TBXAS1: variants seen among roughly 807,000 people sequenced by gnomAD.
The protein encoded by TBXAS1 is thromboxane A synthase 1.
TBXAS1 carries 48 observed loss-of-function variants against 60.7 expected under a neutral mutation model. The observed-to-expected ratio is 0.79, with a 90% CI of 0.63 to 1.01. TBXAS1 has a LOEUF of 1.01. Ranked by LOEUF, TBXAS1 falls within the 50% of genes least tolerant of loss-of-function variation. TBXAS1 has a pLI of 0.00. For synonymous variants in TBXAS1, 287 were observed against 269.7 expected (o/e 1.06, Z -0.63); for missense variants, 685 against 686.3 (o/e 1.00, Z 0.02).
At chr7:139,993,646 G>T (rs537786826) in intron 9 of TBXAS1, among the ~76,000 whole-genome samples, 33 of 152,194 alleles carry the variant, frequency 2.2e-4, no homozygotes, top group Middle Eastern at 3.4e-3. Flanking sequence ...ATCTAGCTAT[G>T]GGATGCCTAG....
At chr7:139,821,526 A>T (rs188145117) in intron 4 of TBXAS1, among the ~76,000 whole-genome samples, 55 of 152,248 alleles carry the variant, frequency 3.6e-4, no homozygotes, top group African/African-American at 1.2e-3. Flanking sequence ...AGACCTTAAA[A>T]CTGTTTATGA....
intron 1 of TBXAS1, among the ~76,000 whole-genome samples, chr7:139,846,420 ATAG>A (rs1440870386): frequency 6.6e-6 from 1 of 152,212 alleles, no homozygotes; most frequent in Non-Finnish European, 1.5e-5. Flanking sequence ...AGGGATACTA[ATAG>A]TACCTACCTC....
chr7:139,939,494 G>C (rs62490098), intron 5 of TBXAS1, among the ~76,000 whole-genome samples: 2,074 of 150,380 alleles, frequency 0.014, 20 homozygotes, highest in Middle Eastern at 0.041. Context: ...ACTCCATATA[G>C]TTCAATTTAG....
chr7:139,812,784 C>T (rs928903543), intron 4 of TBXAS1, among the ~76,000 whole-genome samples: 2 of 152,208 alleles, frequency 1.3e-5, no homozygotes, highest in South Asian at 4.1e-4. Flanking sequence ...AAGCCAAGCA[C>T]GGTGACTCAC....
intron 1 of TBXAS1, among the ~76,000 whole-genome samples, chr7:139,839,818 T>C (rs1799310058): frequency 6.6e-6 from 1 of 151,576 alleles, no homozygotes; most frequent in Non-Finnish European, 1.5e-5. Context: ...ATTGCACCAC[T>C]ACACTCGCAC....
chr7:139,841,739 G>A (rs1173266131), intron 1 of TBXAS1, among the ~76,000 whole-genome samples: 2 of 152,102 alleles, frequency 1.3e-5, no homozygotes, highest in Non-Finnish European at 2.9e-5. Context: ...ATAAAGTAAC[G>A]TGACTGATTA....
chr7:139,951,383 CT>C (rs1809240057), intron 5 of TBXAS1, among the ~76,000 whole-genome samples: 1 of 151,806 alleles, frequency 6.6e-6, no homozygotes, highest in Non-Finnish European at 1.5e-5. Flanking sequence ...ATGAGGCCAC[CT>C]TTAGGAGTGA....
In TBXAS1 at chr7:139,837,853, G is replaced by C. The variant is rs1407974345; in HGVS notation, c.89+8374G>C. 2.0e-5 allele frequency among the ~76,000 whole-genome samples: 3 copies of C among 152,212 alleles called. No homozygotes were observed. The East Asian group carries it at 5.8e-4, about 29-fold the overall frequency. ...ACAAAACAAAACAAAAAAGCAAAAGGCACACCAAGGTTGCTTCTTGTGCTC... is the reference window on the plus strand; with the variant it reads ...ACAAAACAAAACAAAAAAGCAAAAGCCACACCAAGGTTGCTTCTTGTGCTC... On this transcript the variant is annotated intron_variant, in intron 1 of 12. Transcript: ENST00000448866.
chr7:139,931,043 A>G (rs913357703), intron 4 of TBXAS1, among the ~76,000 whole-genome samples: 19 of 151,994 alleles, frequency 1.3e-4, no homozygotes, highest in South Asian at 4.2e-4. Flanking sequence ...GATACAGAAT[A>G]CACACACACA....
chr7:139,925,236 TAA>T (rs2117126297), intron 4 of TBXAS1, among the ~76,000 whole-genome samples: 1 of 152,338 alleles, frequency 6.6e-6, no homozygotes, highest in Admixed American at 6.5e-5. Flanking sequence ...TTGTTTTAGG[TAA>T]TATGGACATT....
chr7:140,007,876 C>T (rs979311210), intron 10 of TBXAS1, among the ~76,000 whole-genome samples: 12 of 152,206 alleles, frequency 7.9e-5, no homozygotes, highest in Admixed American at 4.6e-4. Context: ...ACCAACCAGC[C>T]GGTCACACCA....
At chr7:139,807,749 CT>C (rs1797915654) in intron 4 of TBXAS1, among the ~76,000 whole-genome samples, 4 of 152,186 alleles carry the variant, frequency 2.6e-5, no homozygotes, top group East Asian at 1.9e-4. Context: ...AACTCTTGGC[CT>C]CAAGCGATCC....
At chr7:139,822,028 G>A (rs1398632668) in intron 4 of TBXAS1, among the ~76,000 whole-genome samples, 14 of 152,182 alleles carry the variant, frequency 9.2e-5, no homozygotes, top group Admixed American at 8.5e-4. Flanking sequence ...CAGGCCACAC[G>A]AGGAATTCAT....
At chr7:139,930,948 A>G (rs193962) in intron 4 of TBXAS1, among the ~76,000 whole-genome samples, 20 of 152,226 alleles carry the variant, frequency 1.3e-4, no homozygotes, top group African/African-American at 4.6e-4. Flanking sequence ...GAGAGAGAAC[A>G]ACTCCTAGGT....
intron 4 of TBXAS1, among the ~76,000 whole-genome samples, chr7:139,918,942 C>T (rs181715035): frequency 4.3e-4 from 65 of 152,236 alleles, no homozygotes; most frequent in Middle Eastern, 3.4e-3. Flanking sequence ...AAGAGTAAGA[C>T]CACTACTGTT....
At chr7:139,869,160 G>T (rs913881521) in intron 1 of TBXAS1, among the ~76,000 whole-genome samples, 1 of 152,156 alleles carries the variant, frequency 6.6e-6, no homozygotes, top group Non-Finnish European at 1.5e-5. Context: ...TGTCTGCAGG[G>T]CTATGTTCCC....
chr7:139,899,478 A>C (rs1804404688), intron 3 of TBXAS1, among the ~76,000 whole-genome samples: 1 of 152,234 alleles, frequency 6.6e-6, no homozygotes, highest in African/African-American at 2.4e-5. Flanking sequence ...TTCAAAAAAG[A>C]GAGAAAACCA....
intron 1 of TBXAS1, among the ~76,000 whole-genome samples, chr7:139,838,727 C>T (rs1215447820): frequency 5.3e-5 from 8 of 152,136 alleles, no homozygotes; most frequent in Non-Finnish European, 1.0e-4. Flanking sequence ...TTTCCCGAAA[C>T]CGCGTTGGAC....
intron 9 of TBXAS1, among the ~76,000 whole-genome samples, chr7:140,001,835 G>A (rs1233422662): frequency 2.0e-5 from 3 of 152,210 alleles, no homozygotes; most frequent in Non-Finnish European, 4.4e-5. Context: ...GGTTGCAGCA[G>A]CCTCTGAACA....
Sources: allele counts gnomAD v4.1 joint callset (sites outside exome capture counted in the v4.1 genomes callset), GRCh38; gene constraint gnomAD v4.1.1; transcripts MANE v1.5; gene names NCBI Gene and HGNC (gene_info 2026-07-23, HGNC 2026-07-21).